FAM13B: variants seen among roughly 807,000 people sequenced by gnomAD.
FAM13B encodes the protein protein FAM13B.
Under a neutral mutation model 117.3 loss-of-function variants are expected in FAM13B, and 60 were observed. That is an observed-to-expected ratio of 0.51 (90% confidence interval 0.42 to 0.63). The LOEUF is 0.63. Among genes scored for constraint, FAM13B ranks in the 30% least tolerant of loss-of-function variants. The pLI is 0.00. For synonymous variants in FAM13B, 332 were observed against 356.1 expected, an observed-to-expected ratio of 0.93 and a Z score of 0.76; for missense variants, 972 against 1,091.9, an observed-to-expected ratio of 0.89 and a Z score of 1.55.
At chr5:137,988,183 TA>T in intron 8 of FAM13B, 90 bp downstream of exon 8, 2 of 993,460 alleles carry the variant, frequency 2.0e-6, no homozygotes, top group Non-Finnish European at 2.9e-6. Context: ...GTCTTTCCTC[TA>T]AAGTGAGCAC....
intron 10 of FAM13B, among the ~76,000 whole-genome samples, chr5:137,983,200 A>C (rs1387795581): frequency 1.6e-5 from 1 of 62,932 alleles, no homozygotes; most frequent in African/African-American, 4.7e-5. Flanking sequence ...AAAAAAAAAA[A>C]AAAAAAAAAA....
chr5:137,938,292 T>G lies in FAM13B; in HGVS notation c.*1933A>C, dbSNP rs1398901607. The G allele has an allele frequency of 6.6e-6, 1 of 152,598 alleles. No homozygotes were observed. Among genetic ancestry groups the G allele is most frequent in the African/African-American group, 2.4e-5 (1 of 41,434 alleles). The allele number at this position is 152,598 out of a possible 1,614,324, so 9.5% of individuals were successfully genotyped here. On this transcript the variant is annotated 3_prime_UTR_variant, in exon 24 of 24. Transcript: ENST00000689681. ...CCACTGACTTATAAAAATATGGTACTCATATAGATTTAGCATTATAAAGAA... is the reference window on the plus strand; with the variant it reads ...CCACTGACTTATAAAAATATGGTACGCATATAGATTTAGCATTATAAAGAA...
Position 137,985,160 on chromosome 5 carries a change from T to C in FAM13B, c.1179+97A>G. On this transcript the variant is annotated intron_variant, in intron 10 of 23. Coordinates refer to ENST00000689681, the MANE Select transcript of FAM13B (RefSeq NM_001385994.1). ...GGGATTTATAATTGAGACAATTAAG[T>C]GTATCAGCAAAATACTGAACTATAA... 3.4e-6 allele frequency: 4 copies of C among 1,170,380 alleles called. No homozygotes were observed. In the South Asian group the frequency reaches 5.9e-5, roughly 17 times the overall value. The allele number at this position is 1,170,380 out of a possible 1,614,324, so 72.5% of individuals were successfully genotyped here.
Position 137,954,214 on chromosome 5 carries a change from T to G in FAM13B, c.1670A>C (p.His557Pro), listed in dbSNP as rs753934614. 1 of 1,614,088 alleles carries G rather than the reference T, an allele frequency of 6.2e-7. No homozygotes were observed. The highest frequency in any genetic ancestry group is 8.5e-7 in the Non-Finnish European group (1 of 1,180,014). ...TGAGGAATCCAACTTTTCTGGATCA[T>G]GTAGGAAACGCTGGCTTTGACCAAA... ...LDFGQSQRFL[H>P]DPEKLDSSSK... The change falls in exon 15 of 24, where the codon CAT (histidine) becomes CCT (proline). Residue 557 changes from histidine (H) to proline (P), a missense_variant. His to Pro is a moderately conservative substitution (Grantham distance 77, BLOSUM62 -2). Transcript: ENST00000689681.
intron 10 of FAM13B, among the ~76,000 whole-genome samples, chr5:137,978,980 T>C (rs894187150): frequency 3.3e-5 from 5 of 152,070 alleles, no homozygotes; most frequent in Non-Finnish European, 7.4e-5. Flanking sequence ...TTTTCTCTAT[T>C]TTTCCTTCCT....
At chr5:138,043,412 T>C (rs554653350) in intron 1 of FAM13B, among the ~76,000 whole-genome samples, 1 of 152,036 alleles carries the variant, frequency 6.6e-6, no homozygotes, top group South Asian at 2.1e-4. Context: ...GTTTACCTTG[T>C]TCGGGCATTA....
chr5:138,017,276 T>A (rs1450383316), intron 4 of FAM13B, among the ~76,000 whole-genome samples: 1 of 152,164 alleles, frequency 6.6e-6, no homozygotes, highest in Non-Finnish European at 1.5e-5. Context: ...ATCAAAGACA[T>A]CCAACTAACT....
chr5:137,977,322 C>A (rs1382475333), intron 10 of FAM13B, among the ~76,000 whole-genome samples: 1 of 152,132 alleles, frequency 6.6e-6, no homozygotes, highest in Non-Finnish European at 1.5e-5. Flanking sequence ...GTCCTGTGGT[C>A]CTGTGATCTC....
chr5:137,967,101 C>G (rs1770214189), intron 10 of FAM13B, among the ~76,000 whole-genome samples: 1 of 148,664 alleles, frequency 6.7e-6, no homozygotes, highest in Admixed American at 6.7e-5. Context: ...AACCTAAAAT[C>G]TTAAAAAAGG....
chr5:138,010,979 A>C (rs1561526549), intron 6 of FAM13B, 29 bp downstream of exon 6: 2 of 1,470,842 alleles, frequency 1.4e-6, no homozygotes, highest in Non-Finnish European at 1.8e-6. Flanking sequence ...AAAAAAAAAA[A>C]ATTATCCCTC....
intron 7 of FAM13B, among the ~76,000 whole-genome samples, chr5:138,001,296 C>T (rs984805705): frequency 5.9e-5 from 9 of 152,136 alleles, no homozygotes; most frequent in Admixed American, 3.3e-4. Context: ...ATGTTAATTA[C>T]GAAAAGTTCA....
intron 1 of FAM13B, among the ~76,000 whole-genome samples, chr5:138,043,897 A>G (rs1374007938): frequency 6.6e-6 from 1 of 151,292 alleles, no homozygotes; most frequent in Non-Finnish European, 1.5e-5. Context: ...CTATATGAAT[A>G]TTGCACAATG....
intron 10 of FAM13B, among the ~76,000 whole-genome samples, chr5:137,964,761 C>G (rs1425563999): frequency 6.6e-6 from 1 of 151,922 alleles, no homozygotes; most frequent in East Asian, 1.9e-4. Flanking sequence ...TCAAAAGAAC[C>G]AAATTCAAGC....
rs879347264 is a variant in FAM13B at position 137,968,531 on chromosome 5, A to AGTTTATGTAGATCACATAAAGCT, written c.1180-6085_1180-6063dup. Among the ~76,000 whole-genome samples, 229 of 152,210 alleles carry AGTTTATGTAGATCACATAAAGCT rather than the reference A, an allele frequency of 1.5e-3. 1 individual carries two copies. Among genetic ancestry groups the AGTTTATGTAGATCACATAAAGCT allele is most frequent in the Non-Finnish European group, 2.7e-3 (182 of 68,010 alleles). ...TGGTTTATGTAGCACCTAGTACTAC[A>AGTTTATGTAGATCACATAAAGCT]GTTTATGTAGATCACATAAAGCTGT... On this transcript the variant is annotated intron_variant, in intron 10 of 23. Transcript: ENST00000689681.
At position 138,007,037 on chromosome 5, in the gene FAM13B, T is replaced by C. The variant is rs1782725642; in HGVS notation, c.801A>G (p.Leu267=). 6.2e-6 allele frequency: 10 copies of C among 1,613,324 alleles called. No individual in the cohort carries two copies. The highest frequency in any genetic ancestry group is 8.5e-6 in the Non-Finnish European group (10 of 1,179,794). Residue 267 remains leucine, a synonymous_variant, in exon 7 of 24, where the codon TTA becomes TTG. Transcript: ENST00000689681. Reference sequence around the variant, plus strand: ...ATTCCAGGATGTTTTCAGTCATCCTTAATTGTACCACCTCTGGCATGTCAT... The same window carrying C: ...ATTCCAGGATGTTTTCAGTCATCCTCAATTGTACCACCTCTGGCATGTCAT... ...KSNDMPEVVQ[L]RMTENILESN...
intron 15 of FAM13B, 101 bp downstream of exon 15, chr5:137,954,065 T>G: frequency 2.0e-6 from 1 of 499,342 alleles, no homozygotes; most frequent in South Asian, 4.4e-5. Flanking sequence ...TTTTTTGAGA[T>G]GGAGTTTCAC....
At chr5:137,984,435 C>G (rs1776630443) in intron 10 of FAM13B, among the ~76,000 whole-genome samples, 1 of 152,154 alleles carries the variant, frequency 6.6e-6, no homozygotes, top group African/African-American at 2.4e-5. Context: ...TAGGTCTCCC[C>G]AACACCCTTT....
intron 17 of FAM13B, among the ~76,000 whole-genome samples, chr5:137,951,233 A>T (rs189448333): frequency 0.015 from 2,246 of 146,876 alleles, 19 homozygotes; most frequent in Non-Finnish European, 0.023. Flanking sequence ...AAAAAAAAAA[A>T]GGAGAGAGAG....
intron 7 of FAM13B, among the ~76,000 whole-genome samples, chr5:137,998,333 G>T (rs144785449): frequency 3.0e-4 from 45 of 152,304 alleles, no homozygotes; most frequent in African/African-American, 9.9e-4. Flanking sequence ...TTTTTAAAAA[G>T]GGGCCAGTCC....
Sources: allele counts gnomAD v4.1 joint callset (sites outside exome capture counted in the v4.1 genomes callset), GRCh38; gene constraint gnomAD v4.1.1; transcripts MANE v1.5; gene names NCBI Gene and HGNC (gene_info 2026-07-23, HGNC 2026-07-21).